PRTG: variants seen among roughly 807,000 people sequenced by gnomAD.
The protein encoded by PRTG is protogenin, also known as immunoglobulin superfamily, DCC subclass, member 5.
Under a neutral mutation model 122.5 loss-of-function variants are expected in PRTG, and 67 were observed. The observed-to-expected ratio is 0.55, with a 90% CI of 0.45 to 0.67. PRTG has a LOEUF of 0.67. Among genes scored for constraint, PRTG ranks in the 30% least tolerant of loss-of-function variants. The pLI, the probability that PRTG is intolerant of heterozygous loss-of-function variation, is 0.00. For missense variants in PRTG, 1,435 were observed against 1,415.4 expected (o/e 1.01, Z -0.22); for synonymous variants, 554 against 501.1 (o/e 1.11, Z -1.41).
At chr15:55,639,319 C>T (rs1458745027) in intron 13 of PRTG, among the ~76,000 whole-genome samples, 2 of 152,140 alleles carry the variant, frequency 1.3e-5, no homozygotes, top group African/African-American at 2.4e-5. Flanking sequence ...TACTTTTTGA[C>T]TGCCAGCATG....
intron 11 of PRTG, among the ~76,000 whole-genome samples, chr15:55,668,419 A>T (rs2059450158): frequency 6.6e-6 from 1 of 152,234 alleles, no homozygotes; most frequent in South Asian, 2.1e-4. Context: ...AACAGATGAA[A>T]AAAGGGGAAC....
chr15:55,716,230 C>G (rs1175712388), intron 2 of PRTG, among the ~76,000 whole-genome samples: 4 of 152,064 alleles, frequency 2.6e-5, no homozygotes, highest in African/African-American at 7.2e-5. Context: ...AACTCTGTCT[C>G]AAAAACAGAA....
chr15:55,666,189 T>G (rs760887191), intron 11 of PRTG, among the ~76,000 whole-genome samples: 12 of 152,218 alleles, frequency 7.9e-5, no homozygotes, highest in Non-Finnish European at 1.6e-4. Context: ...GAGGGCTTTC[T>G]TCCCGGCTCA....
chr15:55,691,853 C>T (rs188268578), intron 2 of PRTG, among the ~76,000 whole-genome samples: 9 of 151,494 alleles, frequency 5.9e-5, no homozygotes, highest in Non-Finnish European at 7.4e-5. Flanking sequence ...GGAAATAGGG[C>T]GAGACCCCGT....
At chr15:55,648,958 G>A (rs1429346839) in intron 11 of PRTG, among the ~76,000 whole-genome samples, 3 of 151,642 alleles carry the variant, frequency 2.0e-5, no homozygotes, top group East Asian at 1.9e-4. Context: ...TTAGCCGGGC[G>A]TGGTGATACG....
chr15:55,701,431 G>T (rs1428101575), intron 2 of PRTG, among the ~76,000 whole-genome samples: 1 of 152,054 alleles, frequency 6.6e-6, no homozygotes, highest in Non-Finnish European at 1.5e-5. Context: ...CTACTTGGGA[G>T]GCTGAGACAG....
intron 8 of PRTG, 151 bp downstream of exon 8, chr15:55,677,646 G>T: frequency 1.6e-6 from 1 of 644,748 alleles, no homozygotes; most frequent in Non-Finnish European, 2.6e-6. Flanking sequence ...GAAAACAATA[G>T]ATACATAGGT....
Position 55,627,078 on chromosome 15 carries a change from C to A in PRTG, c.2857G>T (p.Val953Leu). The A allele has an allele frequency of 6.2e-7, 1 of 1,609,286 alleles. No individual in the cohort carries two copies. Among genetic ancestry groups the A allele is most frequent in the East Asian group, 2.2e-5 (1 of 44,716 alleles). Residue 953 changes from valine (V) to leucine (L), a missense_variant, in exon 17 of 20, where the codon GTA (valine) becomes TTA (leucine). Physicochemically the swap from Val to Leu is conservative, Grantham distance 32 (BLOSUM62 1). Coordinates refer to ENST00000389286, the MANE Select transcript of PRTG (RefSeq NM_173814.6). ...LDQKSMTGIA[V>L]GVGIALTCIL... The stretch of plus-strand genomic sequence containing the variant: ...CAGGTCAAGGCTATGCCAACACCTA[C>A]AGCAATGCCAGTCATTGATTTTTGG...
intron 18 of PRTG, among the ~76,000 whole-genome samples, chr15:55,623,908 G>C (rs1396403878): frequency 2.0e-5 from 3 of 152,022 alleles, no homozygotes; most frequent in Non-Finnish European, 4.4e-5. Context: ...ATTCATACTT[G>C]GGATGTTCTG....
chr15:55,633,966 T>C (rs1470031084), intron 15 of PRTG, among the ~76,000 whole-genome samples: 1 of 152,048 alleles, frequency 6.6e-6, no homozygotes, highest in Non-Finnish European at 1.5e-5. Context: ...TCCCTTTCAC[T>C]ACTGAGCCAT....
rs1596006555 is a variant in PRTG, at chr15:55,614,345, G to C, written c.*5667C>G. 6.6e-6 allele frequency: 1 copy of C among 152,074 alleles called. No homozygotes were observed. Among genetic ancestry groups the C allele is most frequent in the Admixed American group, 6.6e-5 (1 of 15,250 alleles). The allele number at this position is 152,074 out of a possible 1,614,324, so 9.4% of individuals were successfully genotyped here. On this transcript the variant is annotated 3_prime_UTR_variant, in exon 20 of 20. Coordinates refer to ENST00000389286, the MANE Select transcript of PRTG (RefSeq NM_173814.6). ...GCTGAGAAGGATGGGGAATGTGAGG[G>C]TTAATAAAACTGAAAAGCATTCAGT...
chr15:55,680,462 C>CA (rs777328246), intron 5 of PRTG, 29 bp downstream of exon 5: 2 of 1,234,748 alleles, frequency 1.6e-6, no homozygotes, highest in Non-Finnish European at 2.2e-6. Flanking sequence ...AAGGAAAAGA[C>CA]TTTTTTTTTT....
intron 11 of PRTG, among the ~76,000 whole-genome samples, chr15:55,657,739 A>G (rs2059388203): frequency 6.6e-6 from 1 of 152,222 alleles, no homozygotes; most frequent in Non-Finnish European, 1.5e-5. Context: ...GCAATAGTAG[A>G]AGACCATATG....
intron 2 of PRTG, among the ~76,000 whole-genome samples, chr15:55,720,004 A>G (rs1314226150): frequency 2.0e-5 from 3 of 152,184 alleles, no homozygotes. Flanking sequence ...GGTTGCAGTG[A>G]GCCAAGATTG....
intron 2 of PRTG, among the ~76,000 whole-genome samples, chr15:55,725,843 C>T (rs1188299236): frequency 6.6e-6 from 1 of 152,216 alleles, no homozygotes; most frequent in Non-Finnish European, 1.5e-5. Flanking sequence ...GCCATCGCAG[C>T]TCACTGCAAC....
intron 2 of PRTG, among the ~76,000 whole-genome samples, chr15:55,696,161 G>C (rs1268394275): frequency 6.6e-6 from 1 of 152,058 alleles, no homozygotes; most frequent in African/African-American, 2.4e-5. Flanking sequence ...CTATTTGGGA[G>C]GCTGAGGTAA....
intron 11 of PRTG, among the ~76,000 whole-genome samples, chr15:55,670,379 T>C (rs2059462637): frequency 6.6e-6 from 1 of 152,214 alleles, no homozygotes; most frequent in African/African-American, 2.4e-5. Flanking sequence ...GTAGTAAGCT[T>C]GATCTATGAT....
chr15:55,714,203 CTG>C (rs1391409481), intron 2 of PRTG, among the ~76,000 whole-genome samples: 2 of 132,396 alleles, frequency 1.5e-5, no homozygotes, highest in East Asian at 3.9e-4. Context: ...ATCTATTTAT[CTG>C]TCTCTCTCTC....
chr15:55,721,825 G>A (rs1169453459), intron 2 of PRTG, among the ~76,000 whole-genome samples: 1 of 152,114 alleles, frequency 6.6e-6, no homozygotes, highest in African/African-American at 2.4e-5. Flanking sequence ...TGAGCAAATG[G>A]GGAAGCCCTT....
Sources: allele counts gnomAD v4.1 joint callset (sites outside exome capture counted in the v4.1 genomes callset), GRCh38; gene constraint gnomAD v4.1.1; transcripts MANE v1.5; gene names NCBI Gene and HGNC (gene_info 2026-07-23, HGNC 2026-07-21).